HIVEP3: variants seen among roughly 807,000 people sequenced by gnomAD.
HIVEP3 encodes HIVEP zinc finger 3, also known as transcription factor HIVEP3.
A neutral mutation model predicts 152.8 loss-of-function variants in HIVEP3; 49 were observed. That is an observed-to-expected ratio of 0.32 (90% CI 0.26 to 0.41). The LOEUF (loss-of-function observed/expected upper bound fraction) is 0.41, where lower values mean the gene tolerates loss of function less well. Ranked by LOEUF, HIVEP3 falls within the 10% of genes least tolerant of loss-of-function variation. The probability of loss-of-function intolerance (pLI) is 1.00; values close to 1 mark genes in which losing one functional copy is unlikely to be tolerated. For synonymous variants in HIVEP3, 1,269 were observed against 1,289.0 expected, an observed-to-expected ratio of 0.98 and a Z score of 0.33; for missense variants, 2,790 against 3,103.3, an observed-to-expected ratio of 0.90 and a Z score of 2.40.
At chr1:42,034,870 G>A (rs1645632293) in intron 1 of HIVEP3, among the ~76,000 whole-genome samples, 2 of 152,070 alleles carry the variant, frequency 1.3e-5, no homozygotes, top group South Asian at 2.1e-4. Context: ...TCAATAAACG[G>A]CACAATCAGC....
chr1:41,708,812 G>C (rs1456573558), intron 1 of HIVEP3, among the ~76,000 whole-genome samples: 1 of 152,200 alleles, frequency 6.6e-6, no homozygotes, highest in South Asian at 2.1e-4. Flanking sequence ...AAAACTTCAA[G>C]TCAAGTACTA....
chr1:41,581,747 G>A lies in HIVEP3; in HGVS notation c.3051C>T (p.Ser1017=), dbSNP rs745627951. 6.2e-7 allele frequency: 1 copy of A among 1,605,330 alleles called. No individual in the cohort carries two copies. Among genetic ancestry groups the A allele is most frequent in the Non-Finnish European group, 8.5e-7 (1 of 1,176,400 alleles). ...ETRSKSFDYG[S]LSLTGPSAPA... ...GAGCAGAAGGGCCTGTCAAGGACAA[G>A]CTGCCATAGTCAAAGGATTTGCTGC... Residue 1017 remains serine (S), a synonymous_variant, in exon 4 of 9, where the codon AGC becomes AGT. Coordinates refer to ENST00000372583, the MANE Select transcript of HIVEP3 (RefSeq NM_024503.5). The surrounding 1 kb of genome is among the most constrained non-coding windows in gnomAD (Gnocchi z 4.5).
intron 1 of HIVEP3, among the ~76,000 whole-genome samples, chr1:41,967,450 C>T (rs1287792265): frequency 6.6e-6 from 1 of 152,042 alleles, no homozygotes; most frequent in East Asian, 1.9e-4. Flanking sequence ...CTGAATGATT[C>T]CTGGGTAAAT....
At chr1:41,792,832 C>G (rs1333588723) in intron 1 of HIVEP3, among the ~76,000 whole-genome samples, 1 of 152,230 alleles carries the variant, frequency 6.6e-6, no homozygotes, top group East Asian at 1.9e-4. Flanking sequence ...CTTCCAGAAC[C>G]ATAGCCAGAA....
Position 41,849,696 on chromosome 1 carries a change from CTT to C in HIVEP3, c.-801+68715_-801+68716del, listed in dbSNP as rs750021881. ...GGATCCATCAGTGGTAGACCCAAAT[CTT>C]TTTTTTTTTTTTTTCCAAGTCTTGC... is the stretch of plus-strand genomic sequence containing the variant. On this transcript the variant is annotated intron_variant, in intron 1 of 8. Coordinates refer to ENST00000372583, the MANE Select transcript of HIVEP3 (RefSeq NM_024503.5). Among the ~76,000 whole-genome samples the C allele has an allele frequency of 2.7e-3, 383 of 142,556 alleles. 1 individual carries two copies. Among genetic ancestry groups the C allele is most frequent in the African/African-American group, 9.1e-3 (354 of 39,018 alleles). The allele number at this position is 142,556 out of a possible 152,430, so 93.5% of individuals were successfully genotyped here. A position where few individuals can be genotyped will look rare whatever the true frequency, so the allele number is the denominator to read the frequency against.
At chr1:41,548,862 A>ATTATT (rs565553917) in intron 5 of HIVEP3, among the ~76,000 whole-genome samples, 65 of 152,050 alleles carry the variant, frequency 4.3e-4, no homozygotes, top group South Asian at 1.9e-3. Context: ...TTTCCAACTC[A>ATTATT]TTATTTTATT....
intron 5 of HIVEP3, among the ~76,000 whole-genome samples, chr1:41,566,320 C>A (rs1473876753): frequency 6.6e-6 from 1 of 152,198 alleles, no homozygotes; most frequent in African/African-American, 2.4e-5. Context: ...ACCCCCAAAC[C>A]AGCATCCTCT....
At chr1:41,865,574 T>A (rs192398918) in intron 1 of HIVEP3, 1 of 152,360 alleles carries the variant, frequency 6.6e-6, no homozygotes, top group African/African-American at 2.4e-5. Context: ...CTCTGAGTGC[T>A]GGGTCCTCCA....
Position 41,524,754 on chromosome 1 carries a change from G to T in HIVEP3, c.5364C>A (p.His1788Gln). The change falls in exon 6 of 9, where the codon CAC (histidine) becomes CAA (glutamine). Residue 1788 changes from histidine to glutamine, a missense_variant. This residue lies in a region of HIVEP3 where 57 missense variants were observed against 95.1 expected (regional missense o/e 0.60). Transcript: ENST00000372583. ...DVRPYVCKHC[H>Q]FAFKTKGNLT... is the part of the protein sequence containing the mutation. ...TCTTACCTTTGGTTTTAAAAGCAAA[G>T]TGACAGTGCTTGCACACATAGGGCC... The T allele has an allele frequency of 1.2e-6, 2 of 1,614,006 alleles. No homozygotes were observed. The highest frequency in any genetic ancestry group is 1.7e-6 in the Non-Finnish European group (2 of 1,180,022).
intron 1 of HIVEP3, among the ~76,000 whole-genome samples, chr1:41,858,402 A>G (rs1264851425): frequency 2.0e-5 from 3 of 152,228 alleles, no homozygotes; most frequent in African/African-American, 7.2e-5. Flanking sequence ...GGGAAAAAGG[A>G]TGAGATGTGT....
intron 1 of HIVEP3, among the ~76,000 whole-genome samples, chr1:41,883,039 G>A (rs60753316): frequency 0.023 from 3,518 of 152,198 alleles, 142 homozygotes; most frequent in African/African-American, 0.081. Flanking sequence ...AGGTTAAAGC[G>A]AAGTCTAAAT....
rs956382305 is a variant in HIVEP3, at chr1:41,549,555, T to C, written c.5208-24645A>G. On this transcript the variant is annotated intron_variant, in intron 5 of 8. Coordinates refer to ENST00000372583, the MANE Select transcript of HIVEP3 (RefSeq NM_024503.5). ...CATCTGTTGTTTCCTCACTTTTTAA[T>C]GATAGCCATTCTAACTGGTGTGAGA... 3.9e-5 allele frequency among the ~76,000 whole-genome samples: 6 copies of C among 152,382 alleles called. No homozygotes were observed. The East Asian group carries it at 1.2e-3, about 29-fold the overall frequency.
chr1:41,582,507 A>G lies in HIVEP3; in HGVS notation c.2291T>C (p.Val764Ala), dbSNP rs767176857. Reference sequence around the variant, plus strand: ...GCCCGTGGGTCCCTCCAAGGAGGGCACTGATTTACTTGGTTCTGCTGGTGA... The same window carrying G: ...GCCCGTGGGTCCCTCCAAGGAGGGCGCTGATTTACTTGGTTCTGCTGGTGA... ...TKSPAEPSKSVPSLEGPTGFQ... is the reference protein window; with the variant it reads ...TKSPAEPSKSAPSLEGPTGFQ... Residue 764 changes from valine (V) to alanine (A), a missense_variant, in exon 4 of 9, where the codon GTG (valine) becomes GCG (alanine). Val to Ala is a moderately conservative substitution (Grantham distance 64, BLOSUM62 0). This residue lies in a region of HIVEP3 where 339 missense variants were observed against 327.0 expected (regional missense o/e 1.04). Transcript: ENST00000372583. This position sits in a 1 kb window ranked among gnomAD's most constrained non-coding sequence, Gnocchi z 4.7. The G allele has an allele frequency of 6.2e-7, 1 of 1,612,326 alleles. No individual in the cohort carries two copies. Among genetic ancestry groups the G allele is most frequent in the African/African-American group, 1.3e-5 (1 of 74,970 alleles).
At chr1:41,553,826 C>T (rs1309709701) in intron 5 of HIVEP3, among the ~76,000 whole-genome samples, 1 of 152,242 alleles carries the variant, frequency 6.6e-6, no homozygotes, top group African/African-American at 2.4e-5. Flanking sequence ...TATTGGCCCC[C>T]ACTCTCTTCT....
intron 2 of HIVEP3, among the ~76,000 whole-genome samples, chr1:41,637,965 A>G (rs1645302749): frequency 6.6e-6 from 1 of 152,186 alleles, no homozygotes; most frequent in African/African-American, 2.4e-5. Flanking sequence ...AGAAAATCAA[A>G]TACTGCATAT....
intron 1 of HIVEP3, among the ~76,000 whole-genome samples, chr1:41,897,058 C>T (rs942725156): frequency 6.6e-6 from 1 of 152,116 alleles, no homozygotes; most frequent in African/African-American, 2.4e-5. Flanking sequence ...TTTAGGGAAA[C>T]CACCAAGATT....
chr1:41,630,968 C>G (rs1042724102), intron 2 of HIVEP3, among the ~76,000 whole-genome samples: 4 of 152,154 alleles, frequency 2.6e-5, no homozygotes, highest in Non-Finnish European at 5.9e-5. Context: ...CCAAGAGAGG[C>G]CTGTTTCAGG....
Position 41,583,467 on chromosome 1 carries a change from G to A in HIVEP3, c.1331C>T (p.Ser444Phe), listed in dbSNP as rs1320634782. The stretch of plus-strand genomic sequence containing the variant: ...CACCAGGCTGGGCTTGTCTTCGGTG[G>A]ACAGGGGCAGGAGGGGCTGGGTGGA... ...ATSTQPLLPL[S>F]TEDKPSLVPL... The change falls in exon 4 of 9, where the codon TCC becomes TTC. Residue 444 changes from serine (S) to phenylalanine (F), a missense_variant. Transcript: ENST00000372583. This position sits in a 1 kb window ranked among gnomAD's most constrained non-coding sequence, Gnocchi z 6.9. The A allele has an allele frequency of 6.2e-6, 10 of 1,613,974 alleles. No individual in the cohort carries two copies. The highest frequency in any genetic ancestry group is 5.3e-5 in the African/African-American group (4 of 75,020).
At chr1:41,937,451 G>A (rs555892917) in intron 1 of HIVEP3, among the ~76,000 whole-genome samples, 2 of 152,122 alleles carry the variant, frequency 1.3e-5, no homozygotes, top group African/African-American at 4.8e-5. Context: ...TGAGAGGATC[G>A]AAGGCCTTGA....
Sources: allele counts gnomAD v4.1 joint callset (sites outside exome capture counted in the v4.1 genomes callset), GRCh38; gene constraint gnomAD v4.1.1; regional missense constraint gnomAD v4.1.1; non-coding constraint Gnocchi (gnomAD v3.1); transcripts MANE v1.5; gene names NCBI Gene and HGNC (gene_info 2026-07-23, HGNC 2026-07-21).